The following LMBR1 variants were observed in gnomAD, a reference collection of about 807,000 sequenced individuals.
The protein encoded by LMBR1 is limb region 1 protein homolog.
In LMBR1, 52 loss-of-function variants were observed where a neutral mutation model predicts 73.9. The ratio of observed to expected loss-of-function variants is 0.70; its 90% confidence interval spans 0.56 to 0.89. LMBR1 has a LOEUF of 0.89. LMBR1 is among the 40% of genes least tolerant of loss of function. LMBR1 has a pLI of 0.00. For missense variants in LMBR1, 539 were observed against 579.8 expected, an observed-to-expected ratio of 0.93 and a Z score of 0.72; for synonymous variants, 215 against 209.4, an observed-to-expected ratio of 1.03 and a Z score of -0.23.
In LMBR1 at chr7:156,724,158, G is replaced by A. The variant is rs1243577394; in HGVS notation, c.1179C>T (p.Ser393=). The A allele has an allele frequency of 3.7e-6, 6 of 1,609,898 alleles. No individual in the cohort carries two copies. The highest frequency in any genetic ancestry group is 3.4e-5 in the Admixed American group (2 of 59,570). ...TMTKIIGNCV[S]ILVLSSALPV... is the part of the protein sequence containing the mutation. ...GCAGAGCAGAGCTCAAAACCAAGAT[G>A]GACACACAATTTCCAATGATCTGTT... The change falls in exon 15 of 17, where the codon TCC becomes TCT. Residue 393 remains serine (S), a synonymous_variant. Coordinates refer to ENST00000353442, the MANE Select transcript of LMBR1 (RefSeq NM_022458.4).
intron 15 of LMBR1, among the ~76,000 whole-genome samples, chr7:156,706,430 C>T (rs1402472726): frequency 6.6e-6 from 1 of 152,120 alleles, no homozygotes; most frequent in Non-Finnish European, 1.5e-5. Context: ...ATATTCTGCT[C>T]AACTGCAGAA....
chr7:156,713,553 T>TA (rs1206252359), intron 15 of LMBR1, among the ~76,000 whole-genome samples: 1 of 151,662 alleles, frequency 6.6e-6, no homozygotes, highest in Non-Finnish European at 1.5e-5. Context: ...AAAACTGCTC[T>TA]AAAAAATCTG....
intron 1 of LMBR1, among the ~76,000 whole-genome samples, chr7:156,866,954 G>GC (rs1184681089): frequency 6.6e-6 from 1 of 152,144 alleles, no homozygotes; most frequent in African/African-American, 2.4e-5. Flanking sequence ...AGACATACAA[G>GC]CGTGAGACCT....
chr7:156,844,425 AG>A (rs1404132822), intron 1 of LMBR1, among the ~76,000 whole-genome samples: 1 of 152,192 alleles, frequency 6.6e-6, no homozygotes, highest in Non-Finnish European at 1.5e-5. Flanking sequence ...TTTCAAAAGT[AG>A]GACGAGGAGT....
chr7:156,760,571 A>AAAC (rs113206385), intron 8 of LMBR1, among the ~76,000 whole-genome samples: 22,264 of 152,058 alleles, frequency 0.15, 1,707 homozygotes, highest in East Asian at 0.19. Context: ...ACAAACAAAC[A>AAAC]AACAACAACA....
chr7:156,835,616 A>T (rs180706874), intron 2 of LMBR1, among the ~76,000 whole-genome samples: 1 of 148,778 alleles, frequency 6.7e-6, no homozygotes, highest in African/African-American at 2.5e-5. Flanking sequence ...AATCACTTGC[A>T]CCCAGAAGGT....
intron 1 of LMBR1, among the ~76,000 whole-genome samples, chr7:156,891,586 C>T (rs538554103): frequency 6.4e-4 from 98 of 152,246 alleles, no homozygotes; most frequent in Non-Finnish European, 1.2e-3. Flanking sequence ...GAATCAGTCT[C>T]TGGGATCCTA....
At chr7:156,724,975 G>A (rs1028316604) in intron 14 of LMBR1, among the ~76,000 whole-genome samples, 1 of 152,074 alleles carries the variant, frequency 6.6e-6, no homozygotes, top group African/African-American at 2.4e-5. Context: ...GACATGTTGT[G>A]GAAAAAGTCA....
chr7:156,812,247 A>G (rs536824666), intron 4 of LMBR1, among the ~76,000 whole-genome samples: 6 of 152,300 alleles, frequency 3.9e-5, no homozygotes, highest in African/African-American at 1.4e-4. Flanking sequence ...GGAAGACAGC[A>G]AGACCATTTT....
intron 4 of LMBR1, among the ~76,000 whole-genome samples, chr7:156,805,472 T>C (rs1831868792): frequency 6.6e-6 from 1 of 152,178 alleles, no homozygotes; most frequent in Non-Finnish European, 1.5e-5. Context: ...TGCCTTGGCC[T>C]CCCAAAGCGC....
rs951758436 is a variant in LMBR1, at chr7:156,685,631, C to T, written c.1388-1468G>A. ...CGCCAGGACATTACAACAGCCGCCA[C>T]GCCACTGCTGGCAGAAACGGTTCAG... On this transcript the variant is annotated intron_variant, in intron 16 of 16. Coordinates refer to ENST00000353442, the MANE Select transcript of LMBR1 (RefSeq NM_022458.4). The surrounding 1 kb of genome is among the most constrained non-coding windows in gnomAD (Gnocchi z 4.1). Among the ~76,000 whole-genome samples the T allele has an allele frequency of 1.3e-5, 2 of 152,238 alleles. No homozygotes were observed. Among genetic ancestry groups the T allele is most frequent in the African/African-American group, 4.8e-5 (2 of 41,460 alleles).
At chr7:156,773,531 C>T (rs1331128396) in intron 5 of LMBR1, among the ~76,000 whole-genome samples, 1 of 151,598 alleles carries the variant, frequency 6.6e-6, no homozygotes, top group Non-Finnish European at 1.5e-5. Context: ...AATAGAGGGC[C>T]CAGAAATAAA....
In LMBR1 at chr7:156,682,668, T is replaced by C. The variant is rs987887204; in HGVS notation, c.*1410A>G. ...TGTAAATATACAGATTAAAGTTTCT[T>C]ATTATTTTGGTTTAAAGTGGAAATT... On this transcript the variant is annotated 3_prime_UTR_variant, in exon 17 of 17. Coordinates refer to ENST00000353442, the MANE Select transcript of LMBR1 (RefSeq NM_022458.4). 4 of 152,240 alleles carry C rather than the reference T, an allele frequency of 2.6e-5. No homozygotes were observed. Among genetic ancestry groups the C allele is most frequent in the African/African-American group, 7.2e-5 (3 of 41,468 alleles). 9.4% of individuals were successfully genotyped at this position (152,240 alleles called of 1,614,324 possible).
intron 5 of LMBR1, among the ~76,000 whole-genome samples, chr7:156,792,501 T>A (rs1563371263): frequency 6.6e-6 from 1 of 152,174 alleles, no homozygotes; most frequent in African/African-American, 2.4e-5. Context: ...TTTTACTTTA[T>A]CAAAACCATT....
intron 8 of LMBR1, among the ~76,000 whole-genome samples, chr7:156,759,297 C>T (rs924299264): frequency 1.3e-5 from 2 of 152,162 alleles, no homozygotes; most frequent in African/African-American, 4.8e-5. Flanking sequence ...AAGCAGAACA[C>T]AGAAGTGGAG....
chr7:156,751,991 T>TA (rs1314555850), intron 9 of LMBR1, among the ~76,000 whole-genome samples: 1 of 151,830 alleles, frequency 6.6e-6, no homozygotes, highest in African/African-American at 2.4e-5. Context: ...TAAAAGCAAA[T>TA]AGAGAATTTT....
At position 156,760,470 on chromosome 7, in the gene LMBR1, G is replaced by A. The variant is rs76327788; in HGVS notation, c.684+1664C>T. Among the ~76,000 whole-genome samples the A allele has an allele frequency of 6.6e-5, 10 of 152,314 alleles. No individual in the cohort carries two copies. In the East Asian group the frequency reaches 1.9e-3, roughly 29 times the overall value. On this transcript the variant is annotated intron_variant, in intron 8 of 16. Coordinates refer to ENST00000353442, the MANE Select transcript of LMBR1 (RefSeq NM_022458.4). The stretch of plus-strand genomic sequence containing the variant: ...AAATGGCAGAGATGGTTTAGGAGCA[G>A]AGCATTAATAGAAATTTAGACCAAT...
intron 1 of LMBR1, among the ~76,000 whole-genome samples, chr7:156,851,763 T>C (rs186732199): frequency 4.6e-5 from 7 of 152,380 alleles, no homozygotes; most frequent in Admixed American, 3.3e-4. Context: ...AATGTGCTTA[T>C]TTCAGAATGG....
chr7:156,703,169 C>T (rs1810168995), intron 15 of LMBR1, among the ~76,000 whole-genome samples: 1 of 152,150 alleles, frequency 6.6e-6, no homozygotes, highest in African/African-American at 2.4e-5. Context: ...TCTCTCAGAC[C>T]CAGGCAGCTA....
Sources: allele counts gnomAD v4.1 joint callset (sites outside exome capture counted in the v4.1 genomes callset), GRCh38; gene constraint gnomAD v4.1.1; non-coding constraint Gnocchi (gnomAD v3.1); transcripts MANE v1.5; gene names NCBI Gene and HGNC (gene_info 2026-07-23, HGNC 2026-07-21).